Variants in PRRC2C observed in about 807,000 individuals in gnomAD.
PRRC2C encodes proline rich coiled-coil 2C.
PRRC2C carries 72 observed loss-of-function variants against 317.2 expected under a neutral mutation model. The ratio of observed to expected loss-of-function variants is 0.23; its 90% CI spans 0.19 to 0.28. The LOEUF (loss-of-function observed/expected upper bound fraction) is 0.28. PRRC2C is among the 10% of genes least tolerant of loss of function. PRRC2C has a pLI of 1.00. For synonymous variants in PRRC2C, 1,296 were observed against 1,205.9 expected (o/e 1.07, Z -1.55); for missense variants, 3,074 against 3,459.7 (o/e 0.89, Z 2.80).
chr1:171,557,873 G>A lies in PRRC2C; in HGVS notation c.5761G>A (p.Val1921Ile). 1 of 1,056,034 alleles carries A rather than the reference G, an allele frequency of 9.5e-7. No individual in the cohort carries two copies. The highest frequency in any genetic ancestry group is 1.3e-6 in the Non-Finnish European group (1 of 783,244). 65.4% of individuals were successfully genotyped at this position (1,056,034 alleles called of 1,614,324 possible). A position where few individuals can be genotyped will look rare whatever the true frequency, so the allele number is the denominator to read the frequency against. ...AGCCCCAGCCCCAGCCCCTACCCCAGTCTCAGCCCCAAATCCTGCCCCACC... is the reference window on the plus strand; with the variant it reads ...AGCCCCAGCCCCAGCCCCTACCCCAATCTCAGCCCCAAATCCTGCCCCACC... ...ASAPAPAPTP[V>I]SAPNPAPPAP... Residue 1921 changes from valine (V) to isoleucine (I), a missense_variant, in exon 19 of 35, where the codon GTC (valine) becomes ATC (isoleucine). Around this residue, in one of 11 missense-constraint regions of PRRC2C, gnomAD observed 640 missense variants for 676.1 expected, o/e 0.95. Coordinates refer to ENST00000647382, the MANE Select transcript of PRRC2C (RefSeq NM_001387844.1).
intron 20 of PRRC2C, among the ~76,000 whole-genome samples, chr1:171,564,402 A>T (rs1473189909): frequency 6.6e-6 from 1 of 152,194 alleles, no homozygotes; most frequent in African/African-American, 2.4e-5. Flanking sequence ...ACAAGTTCTT[A>T]ACATTTTTGT....
intron 20 of PRRC2C, among the ~76,000 whole-genome samples, chr1:171,564,144 A>G (rs1683192518): frequency 6.6e-6 from 1 of 152,206 alleles, no homozygotes; most frequent in Non-Finnish European, 1.5e-5. Context: ...CATAGGATGG[A>G]AAGAATTCCC....
Position 171,566,428 on chromosome 1 carries a change from A to G in PRRC2C, c.6306+7A>G. On this transcript the variant is annotated splice_region_variant and intron_variant, in intron 21 of 34. Coordinates refer to ENST00000647382, the MANE Select transcript of PRRC2C (RefSeq NM_001387844.1). ...ACCTATCAAAGCCCAGAAGGTAAATATACTTTATAATCCAGATAAAATTTT... is the reference window on the plus strand; with the variant it reads ...ACCTATCAAAGCCCAGAAGGTAAATGTACTTTATAATCCAGATAAAATTTT... 6.4e-7 allele frequency: 1 copy of G among 1,554,902 alleles called. No homozygotes were observed. Among genetic ancestry groups the G allele is most frequent in the South Asian group, 1.2e-5 (1 of 84,096 alleles).
chr1:171,527,750 T>A lies in PRRC2C; in HGVS notation c.1201-41T>A, dbSNP rs745596256. 6 of 1,508,814 alleles carry A rather than the reference T, an allele frequency of 4.0e-6. No individual in the cohort carries two copies. In the South Asian group the frequency reaches 7.2e-5, roughly 18 times the overall value. 93.5% of individuals were successfully genotyped at this position (1,508,814 alleles called of 1,614,324 possible). A position where few individuals can be genotyped will look rare whatever the true frequency, so the allele number is the denominator to read the frequency against. On this transcript the variant is annotated intron_variant, in intron 10 of 34. Transcript: ENST00000647382. Reference sequence around the variant, plus strand: ...CAGCATGGGCAACAGAGCAAGACTGTCTCCAAAATAATAAGAATAATTCTT... The same window carrying A: ...CAGCATGGGCAACAGAGCAAGACTGACTCCAAAATAATAAGAATAATTCTT...
intron 27 of PRRC2C, 97 bp from the exon 28 acceptor site, chr1:171,579,731 T>G: frequency 7.3e-7 from 1 of 1,373,358 alleles, no homozygotes; most frequent in Non-Finnish European, 9.7e-7. Context: ...GTATTAATTT[T>G]ACTCTTTTCA....
chr1:171,547,850 G>A (rs1227881603), intron 17 of PRRC2C, among the ~76,000 whole-genome samples: 3 of 151,630 alleles, frequency 2.0e-5, no homozygotes, highest in African/African-American at 4.8e-5. Flanking sequence ...AGAGGGTTTC[G>A]CCATGTTGGC....
chr1:171,552,513 T>C (rs528698635), intron 18 of PRRC2C, among the ~76,000 whole-genome samples: 1 of 152,116 alleles, frequency 6.6e-6, no homozygotes, highest in East Asian at 1.9e-4. Context: ...AATAGGAGTG[T>C]TAAGAGAGGG....
intron 24 of PRRC2C, among the ~76,000 whole-genome samples, chr1:171,574,015 A>G (rs944651401): frequency 1.3e-5 from 2 of 152,142 alleles, no homozygotes; most frequent in African/African-American, 2.4e-5. Flanking sequence ...ATAAAATTTT[A>G]GAAATTGATA....
intron 14 of PRRC2C, 68 bp downstream of exon 14, chr1:171,536,346 TC>T: frequency 6.6e-7 from 1 of 1,506,972 alleles, no homozygotes; most frequent in Non-Finnish European, 9.0e-7. Context: ...TAGTTTCAGT[TC>T]CTTTGAGAGT....
chr1:171,508,946 G>A (rs1670778574), intron 1 of PRRC2C, among the ~76,000 whole-genome samples: 2 of 151,850 alleles, frequency 1.3e-5, no homozygotes, highest in Non-Finnish European at 2.9e-5. Flanking sequence ...GAGTGCAGTG[G>A]CATGATCTCT....
Position 171,587,047 on chromosome 1 carries a change from T to C in PRRC2C, c.7794T>C (p.Phe2598=). The C allele has an allele frequency of 6.2e-7, 1 of 1,611,748 alleles. No homozygotes were observed. ...LPASQLSLPN[F]GSTGQPLIAL... ...CATCGCAGCTTTCCTTGCCTAATTT[T>C]GGATCTACAGGGCAACCTCTAATTG... Residue 2598 remains phenylalanine (F), a synonymous_variant, in exon 31 of 35, where the codon TTT becomes TTC. Transcript: ENST00000647382.
At chr1:171,488,657 C>G (rs1300261751) in intron 1 of PRRC2C, among the ~76,000 whole-genome samples, 1 of 152,174 alleles carries the variant, frequency 6.6e-6, no homozygotes, top group Non-Finnish European at 1.5e-5. Flanking sequence ...TCCTTATTTT[C>G]CTCCAGATTA....
intron 8 of PRRC2C, 33 bp from the exon 9 acceptor site, chr1:171,523,402 A>G (rs1673971848): frequency 6.2e-7 from 1 of 1,613,746 alleles, no homozygotes; most frequent in Non-Finnish European, 8.5e-7. Context: ...GATGCTTTCA[A>G]GCAGCCAGTC....
In PRRC2C at chr1:171,496,774, CGTGTGTGTGTGTGTGT is replaced by C. The variant is rs71688813; in HGVS notation, c.-58+11062_-58+11077del. ...TAGCAGCAAATCGATACATTTGGGG[CGTGTGTGTGTGTGTGT>C]GTGTGTGTGTGTGTGTGTGTGTTTT... On this transcript the variant is annotated intron_variant, in intron 1 of 34. Coordinates refer to ENST00000647382, the MANE Select transcript of PRRC2C (RefSeq NM_001387844.1). 9.5e-5 allele frequency among the ~76,000 whole-genome samples: 14 copies of C among 146,892 alleles called. No individual in the cohort carries two copies. The East Asian group carries it at 1.0e-3, about 11-fold the overall frequency.
chr1:171,518,481 CAA>C (rs1672827856), intron 6 of PRRC2C, among the ~76,000 whole-genome samples: 3 of 121,748 alleles, frequency 2.5e-5, no homozygotes, highest in African/African-American at 5.6e-5. Context: ...AATTTTTTTT[CAA>C]TTTTTTTTCA....
intron 1 of PRRC2C, among the ~76,000 whole-genome samples, chr1:171,499,850 G>A (rs1294121135): frequency 2.6e-5 from 4 of 152,152 alleles, no homozygotes; most frequent in Non-Finnish European, 5.9e-5. Flanking sequence ...CAGAAAAAAA[G>A]TAACGAGGCT....
At chr1:171,510,181 G>C (rs1406905415) in intron 1 of PRRC2C, 1 of 152,178 alleles carries the variant, frequency 6.6e-6, no homozygotes, top group South Asian at 2.1e-4. Flanking sequence ...CGCAGTAGCA[G>C]TAGGTGTAGG....
chr1:171,486,499 A>G (rs1057191969), intron 1 of PRRC2C, among the ~76,000 whole-genome samples: 1 of 152,082 alleles, frequency 6.6e-6, no homozygotes, highest in Non-Finnish European at 1.5e-5. Flanking sequence ...AGAGACATTG[A>G]TAGAGTCTTC....
intron 19 of PRRC2C, among the ~76,000 whole-genome samples, chr1:171,560,036 T>A (rs1682357646): frequency 6.6e-6 from 1 of 152,224 alleles, no homozygotes; most frequent in South Asian, 2.1e-4. Flanking sequence ...CTTTCAAGAC[T>A]TGTTATTTAA....
Sources: allele counts gnomAD v4.1 joint callset (sites outside exome capture counted in the v4.1 genomes callset), GRCh38; gene constraint gnomAD v4.1.1; regional missense constraint gnomAD v4.1.1; transcripts MANE v1.5; gene names NCBI Gene and HGNC (gene_info 2026-07-23, HGNC 2026-07-21).